SALL2: variants seen among roughly 807,000 people sequenced by gnomAD.
SALL2 encodes sal-like protein 2.
SALL2 carries 32 observed loss-of-function variants against 58.5 expected under a neutral mutation model. The ratio of observed to expected loss-of-function variants is 0.55; its 90% CI spans 0.41 to 0.74. The LOEUF (loss-of-function observed/expected upper bound fraction) is 0.74, where lower values mean the gene tolerates loss of function less well. Among genes scored for constraint, SALL2 ranks in the 30% least tolerant of loss-of-function variants. SALL2 has a pLI of 0.00. For missense variants in SALL2, 1,201 were observed against 1,268.9 expected (o/e 0.95, Z 0.81); for synonymous variants, 516 against 513.6 (o/e 1.00, Z -0.06).
At chr14:21,527,075 T>A (rs998629051), upstream of SALL2, among the ~76,000 whole-genome samples, 9 of 152,208 alleles carry the variant, frequency 5.9e-5, no homozygotes, top group Non-Finnish European at 1.2e-4. Context: ...ATCTCCTATT[T>A]AGTACCCTCT....
intron 1 of SALL2, among the ~76,000 whole-genome samples, chr14:21,534,087 C>G (rs1008207085): frequency 6.6e-6 from 1 of 152,188 alleles, no homozygotes; most frequent in Non-Finnish European, 1.5e-5. Context: ...AGCTCTCATT[C>G]TGTTTTGCAG....
chr14:21,533,527 T>G (rs550533117), intron 1 of SALL2, among the ~76,000 whole-genome samples: 120 of 152,186 alleles, frequency 7.9e-4, no homozygotes, highest in Non-Finnish European at 1.6e-3. Context: ...TGTACTGGTT[T>G]GCATTTTTCC....
upstream of SALL2, chr14:21,526,368 G>A (rs561478261): frequency 1.5e-4 from 207 of 1,379,336 alleles, 1 homozygote; most frequent in South Asian, 3.2e-3. Context: ...ATGAGGAGGG[G>A]AGTTTATGGG....
rs1051616852 is a variant in SALL2 at position 21,526,174 on chromosome 14, A to T, written c.-47T>A. On this transcript the variant is annotated 5_prime_UTR_variant, in exon 1 of 2. Transcript: ENST00000537235. ...CCAGGTGGGGTGGGAGACAATGGAT[A>T]TTGGGATTGAGGGAGGCGATGGCCG... is the stretch of plus-strand genomic sequence containing the variant. 6.5e-7 allele frequency: 1 copy of T among 1,533,932 alleles called. No individual in the cohort carries two copies. The highest frequency in any genetic ancestry group is 8.7e-7 in the Non-Finnish European group (1 of 1,146,058).
In SALL2 at chr14:21,524,990, C is replaced by T. The variant is rs1361872878; in HGVS notation, c.732G>A (p.Lys244=). The T allele has an allele frequency of 1.2e-6, 2 of 1,613,640 alleles. No individual in the cohort carries two copies. Among genetic ancestry groups the T allele is most frequent in the African/African-American group, 1.3e-5 (1 of 74,916 alleles). ...CCAGTGTCTTGCTGGTTTGGACAGG[C>T]TTGATGGGGCTGAAGAGGGGTAGTA... ...KPLLPLFSPI[K]PVQTSKTLAS... is the part of the protein sequence containing the mutation. Residue 244 remains lysine, a synonymous_variant, in exon 2 of 2, where the codon AAG becomes AAA. Transcript: ENST00000537235.
chr14:21,526,812 C>G (rs1246917362), upstream of SALL2, among the ~76,000 whole-genome samples: 1 of 152,060 alleles, frequency 6.6e-6, no homozygotes, highest in Non-Finnish European at 1.5e-5. Context: ...CCAAAATATT[C>G]GAAGTTTTGT....
chr14:21,524,372 A>G lies in SALL2; in HGVS notation c.1350T>C (p.Tyr450=), dbSNP rs754065180. ...CCTTCTCTGGTGGCACGGACATACC[A>G]TAAGGCAAGCCACTGCTGGTAATGA... ...DYVITSSGLP[Y]GMSVPPEKAE... Residue 450 remains tyrosine, a synonymous_variant, in exon 2 of 2, where the codon TAT becomes TAC. Transcript: ENST00000537235. 3.1e-6 allele frequency: 5 copies of G among 1,614,192 alleles called. No homozygotes were observed. Among genetic ancestry groups the G allele is most frequent in the East Asian group, 2.2e-5 (1 of 44,876 alleles).
At chr14:21,528,138 C>CA (rs34420452), upstream of SALL2, among the ~76,000 whole-genome samples, 2,490 of 111,770 alleles carry the variant, frequency 0.022, 62 homozygotes, top group African/African-American at 0.064. Context: ...AACTGCGTCT[C>CA]AAAAAAAAAA....
In SALL2 at chr14:21,523,887, G is replaced by A; in HGVS notation, c.1835C>T (p.Ala612Val). Residue 612 changes from alanine (A) to valine (V), a missense_variant, in exon 2 of 2, where the codon GCC (alanine) becomes GTC (valine). Physicochemically the swap from Ala to Val is moderately conservative, Grantham distance 64 (BLOSUM62 0). Coordinates refer to ENST00000537235, the MANE Select transcript of SALL2 (RefSeq NM_001364564.1). The surrounding 1 kb of genome is among the most constrained non-coding windows in gnomAD (Gnocchi z 4.4). The part of the protein sequence containing the change: ...AVAVTSAASG[A>V]PTTSAPAPSS... ...AGGTGCAGGGGCAGAGGTGGTGGGG[G>A]CTCCTGAGGCAGCTGAGGTCACCGC... The A allele has an allele frequency of 6.2e-7, 1 of 1,614,218 alleles. No homozygotes were observed.
upstream of SALL2, among the ~76,000 whole-genome samples, chr14:21,531,099 A>G (rs1430355843): frequency 1.3e-5 from 2 of 152,250 alleles, no homozygotes; most frequent in Non-Finnish European, 2.9e-5. Context: ...ACTATGGCCT[A>G]TGTAACACAG....
chr14:21,525,631 G>A lies in SALL2; in HGVS notation c.91C>T (p.Pro31Ser). 6.3e-7 allele frequency: 1 copy of A among 1,588,078 alleles called. No homozygotes were observed. The highest frequency in any genetic ancestry group is 1.2e-5 in the South Asian group (1 of 86,864). ...LGGDASEEDH[P>S]QVCAKCCAQF... ...GCGCAGCACTTGGCACAGACTTGGGGGTGATCCTCCTCGCTAGCATCACCT... is the reference window on the plus strand; with the variant it reads ...GCGCAGCACTTGGCACAGACTTGGGAGTGATCCTCCTCGCTAGCATCACCT... The change falls in exon 2 of 2, where the codon CCC becomes TCC. Residue 31 changes from proline to serine, a missense_variant. This residue lies in a region of SALL2 where 467 missense variants were observed against 468.9 expected (regional missense o/e 1.00). Transcript: ENST00000537235. The surrounding 1 kb of genome is among the most constrained non-coding windows in gnomAD (Gnocchi z 4.4).
Position 21,526,231 on chromosome 14 carries a change from C to T in SALL2, c.-104G>A, listed in dbSNP as rs1892304814. 2.7e-6 allele frequency: 4 copies of T among 1,482,730 alleles called. No individual in the cohort carries two copies. Among genetic ancestry groups the T allele is most frequent in the South Asian group, 1.3e-5 (1 of 78,014 alleles). 91.8% of individuals were successfully genotyped at this position (1,482,730 alleles called of 1,614,324 possible). A position where few individuals can be genotyped will look rare whatever the true frequency, so the allele number is the denominator to read the frequency against. On this transcript the variant is annotated 5_prime_UTR_variant, in exon 1 of 2. Coordinates refer to ENST00000537235, the MANE Select transcript of SALL2 (RefSeq NM_001364564.1). ...CTGCGGCAGCCTCTGCACCCAGCGG[C>T]CCAGACTGCGGAGATGGAGATCGGC...
rs712322 is a variant in SALL2 at position 21,521,707 on chromosome 14, A to G, written c.*997T>C. ...AGTTCATCAACCATGCTGACCAAAA[A>G]TGCTCCTTAAAGATACGAACTTCAC... is the stretch of plus-strand genomic sequence containing the variant. On this transcript the variant is annotated 3_prime_UTR_variant, in exon 2 of 2. Coordinates refer to ENST00000537235, the MANE Select transcript of SALL2 (RefSeq NM_001364564.1). 0.12 allele frequency: 38,606 copies of G among 314,280 alleles called. 2,805 individuals carry two copies. The highest frequency in any genetic ancestry group is 0.21 in the African/African-American group (9,843 of 47,808). The allele number at this position is 314,280 out of a possible 1,614,324, so 19.5% of individuals were successfully genotyped here. A position where few individuals can be genotyped will look rare whatever the true frequency, so the allele number is the denominator to read the frequency against.
At position 21,525,413 on chromosome 14, in the gene SALL2, G is replaced by A. The variant is rs534421777; in HGVS notation, c.309C>T (p.Ser103=). 22 of 1,613,900 alleles carry A rather than the reference G, an allele frequency of 1.4e-5. No homozygotes were observed. In the South Asian group the frequency reaches 2.2e-4, roughly 16 times the overall value. ...EHSNPPDSGS[S]VPTDPTWGPE... ...GGCCCCAGGTGGGATCCGTGGGCAC[G>A]GAGGACCCAGAATCTGGGGGGTTGC... is the stretch of plus-strand genomic sequence containing the variant. Residue 103 remains serine, a synonymous_variant, in exon 2 of 2, where the codon TCC becomes TCT. Coordinates refer to ENST00000537235, the MANE Select transcript of SALL2 (RefSeq NM_001364564.1). This position sits in a 1 kb window ranked among gnomAD's most constrained non-coding sequence, Gnocchi z 4.4.
rs1401016898 is a variant in SALL2, at chr14:21,523,539, C to T, written c.2183G>A (p.Gly728Glu). Residue 728 changes from glycine to glutamate, a missense_variant, in exon 2 of 2, where the codon GGA becomes GAA. By Grantham distance (98) the Gly-to-Glu change is moderately conservative. This residue lies in a region of SALL2 where 675 missense variants were observed against 683.8 expected (regional missense o/e 0.99). Transcript: ENST00000537235. This position sits in a 1 kb window ranked among gnomAD's most constrained non-coding sequence, Gnocchi z 4.4. ...CTCGGAGCCATTCTCCTGAGCAGCT[C>T]CTCCACCTTCAGGGAGTGCAGTACC... ...NGGTALPEGG[G>E]AAQENGSEQS... 2.5e-6 allele frequency: 4 copies of T among 1,614,238 alleles called. No homozygotes were observed. The highest frequency in any genetic ancestry group is 1.7e-5 in the Admixed American group (1 of 60,028).
upstream of SALL2, among the ~76,000 whole-genome samples, chr14:21,531,071 C>T (rs763899496): frequency 1.4e-4 from 21 of 152,214 alleles, no homozygotes; most frequent in Non-Finnish European, 2.6e-4. Flanking sequence ...TCCTTTGCAA[C>T]CCAGACCTAC....
In SALL2 at chr14:21,525,075, C is replaced by T. The variant is rs780448573; in HGVS notation, c.647G>A (p.Gly216Asp). Residue 216 changes from glycine to aspartate, a missense_variant, in exon 2 of 2, where the codon GGT (glycine) becomes GAT (aspartate). Gly to Asp is a moderately conservative substitution (Grantham distance 94). Transcript: ENST00000537235. This position sits in a 1 kb window ranked among gnomAD's most constrained non-coding sequence, Gnocchi z 4.4. ...TAGCTCTGAGGGACTGGCAGGGGCACCCACCGTCTGGCCTAAGGAGCCAAG... is the reference window on the plus strand; with the variant it reads ...TAGCTCTGAGGGACTGGCAGGGGCATCCACCGTCTGGCCTAAGGAGCCAAG... ...LLLGSLGQTVGAPASPSELPG... is the reference protein window; with the variant it reads ...LLLGSLGQTVDAPASPSELPG... 7.4e-6 allele frequency: 12 copies of T among 1,613,908 alleles called. No homozygotes were observed. The Admixed American group carries it at 1.7e-4, about 22-fold the overall frequency.
Position 21,523,409 on chromosome 14 carries a change from TTCTTCCTCATCCTCC to T in SALL2, c.2298_2312del (p.Asp768_Glu772del). 1 of 1,613,756 alleles carries T rather than the reference TTCTTCCTCATCCTCC, an allele frequency of 6.2e-7. No individual in the cohort carries two copies. The highest frequency in any genetic ancestry group is 8.5e-7 in the Non-Finnish European group (1 of 1,179,982). On this transcript the variant is annotated inframe_deletion, in exon 2 of 2. Transcript: ENST00000537235. The surrounding 1 kb of genome is among the most constrained non-coding windows in gnomAD (Gnocchi z 4.4). ...AATCTTCATCAGTCACATCTTCCTCTTCTTCCTCATCCTCCTCTTCCTCCTCCTCAGACAACTCCT... is the reference window on the plus strand; with the variant it reads ...AATCTTCATCAGTCACATCTTCCTCTTCTTCCTCCTCCTCAGACAACTCCT...
intron 1 of SALL2, among the ~76,000 whole-genome samples, chr14:21,531,742 TGTCGCCCAGGCTGGAGTGCAATG>T (rs71112595): frequency 4.1e-4 from 28 of 68,840 alleles, no homozygotes; most frequent in African/African-American, 1.0e-3. Context: ...AGTCTCGCTC[TGTCGCCCAGGCTGGAGTGCAATG>T]GTCGCCCAGG....
Sources: allele counts gnomAD v4.1 joint callset (sites outside exome capture counted in the v4.1 genomes callset), GRCh38; gene constraint gnomAD v4.1.1; regional missense constraint gnomAD v4.1.1; non-coding constraint Gnocchi (gnomAD v3.1); transcripts MANE v1.5; gene names NCBI Gene and HGNC (gene_info 2026-07-23, HGNC 2026-07-21).